Variants in SKIC3 observed in about 807,000 individuals in gnomAD.
The protein encoded by SKIC3 is SKI3 subunit of superkiller complex.
chr5:95,492,561 C>G, the SKIC3 span, among the ~76,000 whole-genome samples: 1 of 119,800 alleles, frequency 8.3e-6, no homozygotes, highest in Non-Finnish European at 1.7e-5. Context: ...GGCGTGAACC[C>G]GGGAGGCGGA....
chr5:95,488,819 A>G, the SKIC3 span, among the ~76,000 whole-genome samples: 1 of 152,170 alleles, frequency 6.6e-6, no homozygotes, highest in African/African-American at 2.4e-5. Flanking sequence ...AAAATACAAT[A>G]ACACACAATA....
chr5:95,506,939 C>T, the SKIC3 span: 38 of 1,613,320 alleles, frequency 2.4e-5, 1 homozygote, highest in South Asian at 3.8e-4. Context: ...CTTACCATAA[C>T]AATCTGCCGT....
chr5:95,464,801 C>T, the SKIC3 span: 2 of 735,756 alleles, frequency 2.7e-6, no homozygotes, highest in East Asian at 2.8e-5. Context: ...TCAAACTATA[C>T]TAGGAAAAGT....
chr5:95,503,840 T>C, the SKIC3 span: 16 of 1,613,894 alleles, frequency 9.9e-6, no homozygotes, highest in African/African-American at 2.0e-4. Flanking sequence ...ATAAAGCCCC[T>C]TCATGAATAA....
chr5:95,537,337 T>G, the SKIC3 span, among the ~76,000 whole-genome samples: 2 of 152,158 alleles, frequency 1.3e-5, no homozygotes, highest in African/African-American at 4.8e-5. Context: ...GCCAGCAAAC[T>G]GCACTCAACT....
At chr5:95,541,496 T>C in the SKIC3 span, 1 of 1,007,430 alleles carries the variant, frequency 9.9e-7, no homozygotes, top group Non-Finnish European at 1.5e-6. Context: ...CAGGTACTAT[T>C]TTAAATTAGA....
the SKIC3 span, among the ~76,000 whole-genome samples, chr5:95,526,468 T>C: frequency 2.0e-5 from 3 of 149,720 alleles, no homozygotes. Flanking sequence ...TGTCTGACTG[T>C]CTTTTTTTTT....
the SKIC3 span, among the ~76,000 whole-genome samples, chr5:95,526,022 C>A: frequency 6.6e-6 from 1 of 152,082 alleles, no homozygotes. Context: ...GATATTGTAA[C>A]TTTTTACCTG....
the SKIC3 span, chr5:95,482,449 CAAGT>C: frequency 6.2e-7 from 1 of 1,612,104 alleles, no homozygotes; most frequent in Non-Finnish European, 8.5e-7. Flanking sequence ...ATTGAGGACT[CAAGT>C]AAGAAAGGAG....
chr5:95,481,931 A>AAATAATTATGTGCTTCCTTG, the SKIC3 span, among the ~76,000 whole-genome samples: 1 of 152,188 alleles, frequency 6.6e-6, no homozygotes, highest in Non-Finnish European at 1.5e-5. Context: ...AAATTGTATA[A>AAATAATTATGTGCTTCCTTG]AATAATTATG....
At chr5:95,512,635 G>A in the SKIC3 span, 12 of 1,613,500 alleles carry the variant, frequency 7.4e-6, no homozygotes, top group Middle Eastern at 1.6e-4. Context: ...AAAAGCCAAC[G>A]TTAAGCAGAC....
At chr5:95,494,619 C>T in the SKIC3 span, 2 of 1,530,112 alleles carry the variant, frequency 1.3e-6, no homozygotes, top group Admixed American at 1.7e-5. Flanking sequence ...TTTTCCCCCA[C>T]TTACAAAATA....
chr5:95,531,522 C>G, the SKIC3 span, among the ~76,000 whole-genome samples: 2 of 152,150 alleles, frequency 1.3e-5, no homozygotes, highest in Admixed American at 1.3e-4. Flanking sequence ...CCTATACCCT[C>G]CCAAGAAAAC....
chr5:95,541,977 C>T, the SKIC3 span: 15 of 934,036 alleles, frequency 1.6e-5, no homozygotes, highest in East Asian at 3.3e-4. Flanking sequence ...ATTTATTTTG[C>T]TAAATAATAT....
the SKIC3 span, among the ~76,000 whole-genome samples, chr5:95,533,403 CAGA>C: frequency 6.6e-6 from 1 of 152,084 alleles, no homozygotes; most frequent in Non-Finnish European, 1.5e-5. Context: ...TACAGATTCT[CAGA>C]AGTTCTCAAT....
the SKIC3 span, chr5:95,516,808 A>G: frequency 2.5e-6 from 4 of 1,585,728 alleles, no homozygotes; most frequent in African/African-American, 1.4e-5. Context: ...CATGTATATC[A>G]AGATATATGT....
chr5:95,468,009 A>G, the SKIC3 span: 13 of 1,612,266 alleles, frequency 8.1e-6, no homozygotes, highest in Admixed American at 1.7e-5. Flanking sequence ...AAAAATTTAC[A>G]TTTAGTCCAA....
chr5:95,544,032 G>T, the SKIC3 span, among the ~76,000 whole-genome samples: 3 of 152,196 alleles, frequency 2.0e-5, no homozygotes, highest in African/African-American at 7.2e-5. Flanking sequence ...TTATTCCAGA[G>T]AAAATAAGAA....
At chr5:95,478,090 G>A in the SKIC3 span, among the ~76,000 whole-genome samples, 7 of 151,664 alleles carry the variant, frequency 4.6e-5, 1 homozygote, top group Admixed American at 4.6e-4. Context: ...CCCAAACATC[G>A]ACAATATTCT....
Sources: allele counts gnomAD v4.1 joint callset (sites outside exome capture counted in the v4.1 genomes callset), GRCh38; gene constraint gnomAD v4.1.1; transcripts MANE v1.5; gene names NCBI Gene and HGNC (gene_info 2026-07-23, HGNC 2026-07-21).